PLPPR5: variants seen among roughly 807,000 people sequenced by gnomAD.
PLPPR5 encodes the protein phospholipid phosphatase-related protein type 5.
A neutral mutation model predicts 33.9 loss-of-function variants in PLPPR5; 16 were observed. The observed-to-expected ratio is 0.47, with a 90% CI of 0.32 to 0.72. PLPPR5 has a LOEUF of 0.72. Among genes scored for constraint, PLPPR5 ranks in the 30% least tolerant of loss-of-function variants. The pLI is 0.03. For synonymous variants in PLPPR5, 163 were observed against 150.3 expected (o/e 1.08, Z -0.62); for missense variants, 301 against 406.7 (o/e 0.74, Z 2.23).
chr1:98,972,685 C>T (rs557060316), intron 1 of PLPPR5, among the ~76,000 whole-genome samples: 2 of 152,112 alleles, frequency 1.3e-5, no homozygotes, highest in South Asian at 4.1e-4. Context: ...TCTCAAACAG[C>T]CTTAATTTTG....
At chr1:98,950,399 AATT>A (rs1341239647) in intron 3 of PLPPR5, among the ~76,000 whole-genome samples, 1 of 152,180 alleles carries the variant, frequency 6.6e-6, no homozygotes, top group African/African-American at 2.4e-5. Context: ...TGTTTGTTAT[AATT>A]ATTATCATTA....
intron 1 of PLPPR5, among the ~76,000 whole-genome samples, chr1:98,976,364 G>A (rs1464856865): frequency 2.0e-5 from 3 of 152,036 alleles, no homozygotes; most frequent in African/African-American, 4.8e-5. Context: ...TTACAAAAAG[G>A]TGATGTAAAA....
At chr1:98,961,630 C>T (rs554201278) in intron 1 of PLPPR5, among the ~76,000 whole-genome samples, 2 of 152,254 alleles carry the variant, frequency 1.3e-5, no homozygotes, top group South Asian at 2.1e-4. Context: ...ATTCTTTCTT[C>T]CTAAGCTTAG....
chr1:98,950,720 G>C lies in PLPPR5; in HGVS notation c.621+2350C>G, dbSNP rs531969723. On this transcript the variant is annotated intron_variant, in intron 3 of 5. Transcript: ENST00000263177. ...TTATTTAGAGACAGGGTCTTGCTCTGTTACCCAGAGTGAAGTGTAGTTGAG... is the reference window on the plus strand; with the variant it reads ...TTATTTAGAGACAGGGTCTTGCTCTCTTACCCAGAGTGAAGTGTAGTTGAG... Among the ~76,000 whole-genome samples, 10 of 152,258 alleles carry C rather than the reference G, an allele frequency of 6.6e-5. No individual in the cohort carries two copies. The South Asian group carries it at 1.7e-3, about 25-fold the overall frequency.
rs563385341 is a variant in PLPPR5, at chr1:98,972,273, A to G, written c.238-15532T>C. Among the ~76,000 whole-genome samples the G allele has an allele frequency of 2.0e-4, 30 of 152,250 alleles. No individual in the cohort carries two copies. The South Asian group carries it at 5.8e-3, about 29-fold the overall frequency. The stretch of plus-strand genomic sequence containing the variant: ...TCCAATACCAAATGGTGAATTTGCA[A>G]TATATATTTGAAATTCTATGAACAA... On this transcript the variant is annotated intron_variant, in intron 1 of 5. Transcript: ENST00000263177.
At chr1:98,894,452 G>T (rs1192682907) in intron 5 of PLPPR5, among the ~76,000 whole-genome samples, 2 of 152,160 alleles carry the variant, frequency 1.3e-5, no homozygotes, top group South Asian at 4.1e-4. Flanking sequence ...ACGGGTACTT[G>T]AAACCAGTGA....
At chr1:98,992,745 A>G (rs933766551) in intron 1 of PLPPR5, among the ~76,000 whole-genome samples, 2 of 152,174 alleles carry the variant, frequency 1.3e-5, no homozygotes, top group Non-Finnish European at 2.9e-5. Flanking sequence ...CTTTTGGGAC[A>G]ACAGTATAGT....
chr1:98,991,630 C>A (rs566004667), intron 1 of PLPPR5, among the ~76,000 whole-genome samples: 5 of 152,238 alleles, frequency 3.3e-5, no homozygotes, highest in Admixed American at 2.0e-4. Context: ...AAAGTAACTT[C>A]AAACACTATG....
intron 1 of PLPPR5, among the ~76,000 whole-genome samples, chr1:98,988,752 A>G (rs1379496397): frequency 1.3e-5 from 2 of 152,122 alleles, no homozygotes; most frequent in African/African-American, 4.8e-5. Context: ...ATATCATAAT[A>G]AGATTCTTGC....
At chr1:98,893,182 T>C (rs1648346679) in intron 5 of PLPPR5, 78 bp from the exon 6 acceptor site, 1 of 1,352,594 alleles carries the variant, frequency 7.4e-7, no homozygotes, top group Admixed American at 2.0e-5. Flanking sequence ...CCTTTACAAA[T>C]AATCATTAGC....
At chr1:98,985,008 C>A (rs908235204) in intron 1 of PLPPR5, among the ~76,000 whole-genome samples, 2 of 151,900 alleles carry the variant, frequency 1.3e-5, no homozygotes, top group Non-Finnish European at 2.9e-5. Flanking sequence ...ATAAGAAAAA[C>A]CACTCAAAAT....
chr1:98,947,459 G>T (rs1473762724), intron 3 of PLPPR5, among the ~76,000 whole-genome samples: 2 of 152,118 alleles, frequency 1.3e-5, no homozygotes, highest in African/African-American at 4.8e-5. Flanking sequence ...TTACTTAACT[G>T]TTTATTATCA....
chr1:98,901,449 T>C (rs1323514997), intron 5 of PLPPR5, among the ~76,000 whole-genome samples: 1 of 152,108 alleles, frequency 6.6e-6, no homozygotes, highest in Non-Finnish European at 1.5e-5. Flanking sequence ...ATGCAAATTA[T>C]GCTTTAATAA....
At position 98,890,258 on chromosome 1, in the gene PLPPR5, TG is replaced by T. The variant is rs1228718554; in HGVS notation, c.*2813del. The stretch of plus-strand genomic sequence containing the variant: ...ACAAAGTCAAAATTCAGTTTTCAAT[TG>T]AATTTTTAAATTTTTATTTGAAAAA... On this transcript the variant is annotated 3_prime_UTR_variant, in exon 6 of 6. Transcript: ENST00000263177. 1.4e-5 allele frequency: 2 copies of T among 145,576 alleles called. No individual in the cohort carries two copies. The highest frequency in any genetic ancestry group is 2.4e-5 in the African/African-American group (1 of 40,822). 9.0% of individuals were successfully genotyped at this position (145,576 alleles called of 1,614,324 possible).
chr1:98,929,466 T>C (rs569079735), intron 3 of PLPPR5, among the ~76,000 whole-genome samples: 1 of 152,336 alleles, frequency 6.6e-6, no homozygotes, highest in Admixed American at 6.5e-5. Context: ...CAAAAGATTA[T>C]GTCATTATGA....
At chr1:98,894,871 G>T (rs575219609) in intron 5 of PLPPR5, among the ~76,000 whole-genome samples, 1 of 152,162 alleles carries the variant, frequency 6.6e-6, no homozygotes, top group Non-Finnish European at 1.5e-5. Flanking sequence ...GATGATCAAT[G>T]CAGAGCTTGA....
rs115050934 is a variant in PLPPR5, at chr1:98,898,354, T to C, written c.934-5250A>G. ...CCAACAATTCTGACATAGCCTACAT[T>C]GCATCAGGAAAAGATAGGTGGATGT... On this transcript the variant is annotated intron_variant, in intron 5 of 5. Coordinates refer to ENST00000263177, the MANE Select transcript of PLPPR5 (RefSeq NM_001037317.2). 6.1e-3 allele frequency among the ~76,000 whole-genome samples: 923 copies of C among 152,304 alleles called. 7 individuals are homozygous for C. The highest frequency in any genetic ancestry group is 0.017 in the Middle Eastern group (5 of 294).
chr1:98,918,015 T>C (rs1414241542), intron 4 of PLPPR5, among the ~76,000 whole-genome samples: 1 of 152,252 alleles, frequency 6.6e-6, no homozygotes, highest in Admixed American at 6.5e-5. Flanking sequence ...GCATGTATAA[T>C]TCTTGTAATT....
Position 98,907,061 on chromosome 1 carries a change from G to A in PLPPR5, c.933+7725C>T, listed in dbSNP as rs542960267. Among the ~76,000 whole-genome samples, 31 of 151,860 alleles carry A rather than the reference G, an allele frequency of 2.0e-4. 1 individual carries two copies. Among genetic ancestry groups the A allele is most frequent in the African/African-American group, 7.0e-4 (29 of 41,418 alleles). On this transcript the variant is annotated intron_variant, in intron 5 of 5. Coordinates refer to ENST00000263177, the MANE Select transcript of PLPPR5 (RefSeq NM_001037317.2). Reference sequence around the variant, plus strand: ...TCTAGTACAGTTTTAATCCCACCACGGCATTATTTGTTTTCTTATATTACA... The same window carrying A: ...TCTAGTACAGTTTTAATCCCACCACAGCATTATTTGTTTTCTTATATTACA...
Sources: allele counts gnomAD v4.1 joint callset (sites outside exome capture counted in the v4.1 genomes callset), GRCh38; gene constraint gnomAD v4.1.1; transcripts MANE v1.5; gene names NCBI Gene and HGNC (gene_info 2026-07-23, HGNC 2026-07-21).